LRFN5: variants seen among roughly 807,000 people sequenced by gnomAD.
The protein encoded by LRFN5 is leucine rich repeat and fibronectin type III domain containing 5.
In LRFN5, 24 loss-of-function variants were observed where a neutral mutation model predicts 45.6. That is an observed-to-expected ratio of 0.53 (90% CI 0.38 to 0.74). LRFN5 has a LOEUF of 0.74. Among genes scored for constraint, LRFN5 ranks in the 30% least tolerant of loss-of-function variants. The pLI, the probability that LRFN5 is intolerant of heterozygous loss-of-function variation, is 0.00. For synonymous variants in LRFN5, 340 were observed against 313.8 expected (o/e 1.08, Z -0.88); for missense variants, 776 against 861.5 (o/e 0.90, Z 1.24).
chr14:41,820,734 T>G (rs1888085212), intron 2 of LRFN5, among the ~76,000 whole-genome samples: 1 of 152,024 alleles, frequency 6.6e-6, no homozygotes, highest in African/African-American at 2.4e-5. Context: ...ACAATACTGA[T>G]TCTTCCATTC....
chr14:41,624,965 C>G (rs1196819338), intron 1 of LRFN5, among the ~76,000 whole-genome samples: 1 of 151,590 alleles, frequency 6.6e-6, no homozygotes, highest in African/African-American at 2.4e-5. Flanking sequence ...ATAAAATATC[C>G]TAATCATAGG....
chr14:41,867,370 G>C (rs534307243), intron 2 of LRFN5, among the ~76,000 whole-genome samples: 8 of 151,974 alleles, frequency 5.3e-5, no homozygotes, highest in Admixed American at 5.2e-4. Context: ...GTGTGTGGAG[G>C]GTTATGTGTG....
chr14:41,803,874 T>C (rs572511112), intron 2 of LRFN5, among the ~76,000 whole-genome samples: 2 of 152,058 alleles, frequency 1.3e-5, no homozygotes, highest in South Asian at 4.2e-4. Context: ...CATTTGTTTG[T>C]TTGTTTTGAG....
At chr14:41,776,475 A>G (rs187034736) in intron 2 of LRFN5, among the ~76,000 whole-genome samples, 76 of 152,298 alleles carry the variant, frequency 5.0e-4, no homozygotes, top group African/African-American at 1.8e-3. Flanking sequence ...ATTTTTTAAT[A>G]TAATGACACA....
At chr14:41,751,017 C>T (rs1885109972) in intron 1 of LRFN5, among the ~76,000 whole-genome samples, 1 of 152,004 alleles carries the variant, frequency 6.6e-6, no homozygotes, top group South Asian at 2.1e-4. Context: ...GTTCCCCGCC[C>T]TGTGTCCATG....
At chr14:41,821,476 A>C (rs559703172) in intron 2 of LRFN5, among the ~76,000 whole-genome samples, 3 of 151,938 alleles carry the variant, frequency 2.0e-5, no homozygotes, top group Middle Eastern at 3.2e-3. Context: ...CCTGCAATAA[A>C]ACCTACTTGA....
At chr14:41,711,756 TAAAA>T (rs1200622854) in intron 1 of LRFN5, among the ~76,000 whole-genome samples, 1 of 151,984 alleles carries the variant, frequency 6.6e-6, no homozygotes. Flanking sequence ...TCTGAAAACA[TAAAA>T]AAACGCATTA....
intron 1 of LRFN5, among the ~76,000 whole-genome samples, chr14:41,697,940 C>G (rs1882685438): frequency 6.6e-6 from 1 of 151,666 alleles, no homozygotes; most frequent in Non-Finnish European, 1.5e-5. Flanking sequence ...CTGATGAAGG[C>G]AAGGGATGAG....
intron 2 of LRFN5, among the ~76,000 whole-genome samples, chr14:41,884,384 A>G (rs1890491474): frequency 6.6e-6 from 1 of 152,176 alleles, no homozygotes; most frequent in African/African-American, 2.4e-5. Flanking sequence ...ATTTGTTGAT[A>G]ATGATCATTT....
chr14:41,657,705 C>T lies in LRFN5; in HGVS notation c.-197+49143C>T, dbSNP rs140905852. On this transcript the variant is annotated intron_variant, in intron 1 of 5. Coordinates refer to ENST00000298119, the MANE Select transcript of LRFN5 (RefSeq NM_152447.5). ...GATATAATAAAACCAAACTAACGTA[C>T]ATACCCATAGTCATTTTTAAAAGCT... Among the ~76,000 whole-genome samples the T allele has an allele frequency of 9.1e-3, 1,379 of 152,054 alleles. 6 individuals are homozygous for T. The highest frequency in any genetic ancestry group is 0.015 in the East Asian group (75 of 5,172).
At chr14:41,760,350 G>C (rs573718269) in intron 1 of LRFN5, among the ~76,000 whole-genome samples, 24 of 152,192 alleles carry the variant, frequency 1.6e-4, no homozygotes, top group Non-Finnish European at 3.4e-4. Flanking sequence ...GTCTTCCAAA[G>C]CAGCTGTGAT....
chr14:41,679,131 G>T (rs748095323), intron 1 of LRFN5, among the ~76,000 whole-genome samples: 2 of 152,122 alleles, frequency 1.3e-5, no homozygotes, highest in Non-Finnish European at 2.9e-5. Context: ...CACCACTGTG[G>T]ACTAAAGTAC....
At chr14:41,797,783 A>G (rs1185548088) in intron 2 of LRFN5, among the ~76,000 whole-genome samples, 1 of 151,842 alleles carries the variant, frequency 6.6e-6, no homozygotes, top group East Asian at 1.9e-4. Flanking sequence ...CATTTGTTCC[A>G]TTCAGACTAT....
rs764257114 is a variant in LRFN5 at position 41,758,571 on chromosome 14, C to A, written c.-196-8283C>A. 2.6e-5 allele frequency among the ~76,000 whole-genome samples: 4 copies of A among 152,122 alleles called. 1 individual carries two copies. The highest frequency in any genetic ancestry group is 4.4e-5 in the Non-Finnish European group (3 of 68,008). On this transcript the variant is annotated intron_variant, in intron 1 of 5. Coordinates refer to ENST00000298119, the MANE Select transcript of LRFN5 (RefSeq NM_152447.5). The stretch of plus-strand genomic sequence containing the variant: ...TTCACAGATTTAACAAGTTTAATTT[C>A]TTATGTCCTTTCTTAAGTCAATGTT...
intron 2 of LRFN5, among the ~76,000 whole-genome samples, chr14:41,843,126 C>A (rs1200967966): frequency 6.8e-6 from 1 of 146,962 alleles, no homozygotes; most frequent in African/African-American, 2.5e-5. Flanking sequence ...CACTCTGTCT[C>A]CCAGGATGGA....
intron 1 of LRFN5, among the ~76,000 whole-genome samples, chr14:41,743,766 A>C (rs1566648388): frequency 6.6e-6 from 1 of 152,248 alleles, no homozygotes; most frequent in Non-Finnish European, 1.5e-5. Flanking sequence ...GTGTATACAT[A>C]GATCAAAACA....
At chr14:41,849,471 T>A (rs1227589963) in intron 2 of LRFN5, among the ~76,000 whole-genome samples, 4 of 151,876 alleles carry the variant, frequency 2.6e-5, no homozygotes, top group Admixed American at 2.0e-4. Flanking sequence ...GGGAGGCTCT[T>A]TTCAGACTCT....
At chr14:41,835,352 C>G (rs750061794) in intron 2 of LRFN5, among the ~76,000 whole-genome samples, 1 of 152,140 alleles carries the variant, frequency 6.6e-6, no homozygotes, top group East Asian at 1.9e-4. Context: ...TCTCTCTTGC[C>G]TAAGGACACA....
chr14:41,662,445 A>T, intron 1 of LRFN5, among the ~76,000 whole-genome samples: 1 of 152,060 alleles, frequency 6.6e-6, no homozygotes, highest in South Asian at 2.1e-4. Context: ...AGAGAGATAG[A>T]TATATTTTGC....
Sources: allele counts gnomAD v4.1 joint callset (sites outside exome capture counted in the v4.1 genomes callset), GRCh38; gene constraint gnomAD v4.1.1; transcripts MANE v1.5; gene names NCBI Gene and HGNC (gene_info 2026-07-23, HGNC 2026-07-21).